Variants in KIAA1217 observed in about 807,000 individuals in gnomAD.
KIAA1217 encodes the protein sickle tail protein homolog.
Under a neutral mutation model 163.9 loss-of-function variants are expected in KIAA1217, and 88 were observed. The ratio of observed to expected loss-of-function variants is 0.54; its 90% CI spans 0.45 to 0.64. The LOEUF is 0.64. KIAA1217 is among the 30% of genes least tolerant of loss of function. The pLI is 0.00. For missense variants in KIAA1217, 2,372 were observed against 2,475.0 expected, an observed-to-expected ratio of 0.96 and a Z score of 0.88; for synonymous variants, 903 against 923.1, an observed-to-expected ratio of 0.98 and a Z score of 0.39.
At chr10:23,837,227 T>C (rs1307304234) in intron 1 of KIAA1217, among the ~76,000 whole-genome samples, 2 of 152,156 alleles carry the variant, frequency 1.3e-5, no homozygotes, top group Non-Finnish European at 2.9e-5. Flanking sequence ...GACTGTGAGA[T>C]AAATTTCTCT....
At chr10:24,095,453 A>T (rs1469791887) in intron 2 of KIAA1217, among the ~76,000 whole-genome samples, 1 of 152,128 alleles carries the variant, frequency 6.6e-6, no homozygotes, top group Non-Finnish European at 1.5e-5. Flanking sequence ...ACTGCATCCA[A>T]TACTGTGACA....
intron 2 of KIAA1217, among the ~76,000 whole-genome samples, chr10:24,154,877 A>C (rs2131868559): frequency 6.6e-6 from 1 of 150,800 alleles, no homozygotes; most frequent in African/African-American, 2.4e-5. Flanking sequence ...CAGTGAGCCA[A>C]GATTTCGCCA....
chr10:24,538,027 T>C (rs1360855682), intron 17 of KIAA1217, among the ~76,000 whole-genome samples: 3 of 152,212 alleles, frequency 2.0e-5, no homozygotes, highest in Non-Finnish European at 4.4e-5. Flanking sequence ...GACTTATCTT[T>C]CAGAATTCAA....
At chr10:24,188,683 C>T (rs879930037) in intron 2 of KIAA1217, among the ~76,000 whole-genome samples, 3 of 151,838 alleles carry the variant, frequency 2.0e-5, no homozygotes, top group South Asian at 2.1e-4. Flanking sequence ...TCAAGTGTAA[C>T]GTGTTTGTCC....
intron 2 of KIAA1217, among the ~76,000 whole-genome samples, chr10:24,140,965 G>A (rs964730086): frequency 5.3e-5 from 8 of 152,118 alleles, no homozygotes; most frequent in African/African-American, 1.4e-4. Context: ...TAAAGGCACC[G>A]TGTCTCTCCC....
At chr10:23,960,206 C>T (rs188096661) in intron 1 of KIAA1217, among the ~76,000 whole-genome samples, 3 of 152,212 alleles carry the variant, frequency 2.0e-5, no homozygotes, top group Non-Finnish European at 2.9e-5. Flanking sequence ...TAAGCCACCA[C>T]GCCCGGCCAG....
At position 24,543,951 on chromosome 10, in the gene KIAA1217, GCGAC is replaced by G; in HGVS notation, c.4685_4688del (p.Thr1562MetfsTer41). ...AAATTCGGAATGCAAGGGTGAGGACGCGACCGATGACCAGTTTGAAAGCCCCAAG... is the reference window on the plus strand; with the variant it reads ...AAATTCGGAATGCAAGGGTGAGGACGCGATGACCAGTTTGAAAGCCCCAAG... On this transcript the variant is annotated frameshift_variant, in exon 19 of 21. Coordinates refer to ENST00000376454, the MANE Select transcript of KIAA1217 (RefSeq NM_019590.5). LOFTEE classifies it high-confidence loss of function. 6.2e-7 allele frequency: 1 copy of G among 1,614,020 alleles called. No individual in the cohort carries two copies. The highest frequency in any genetic ancestry group is 8.5e-7 in the Non-Finnish European group (1 of 1,180,020).
At chr10:23,960,391 G>A (rs184477772) in intron 1 of KIAA1217, among the ~76,000 whole-genome samples, 5 of 152,238 alleles carry the variant, frequency 3.3e-5, no homozygotes, top group East Asian at 3.9e-4. Context: ...CTGAGTAGCC[G>A]GGATTACAGG....
At chr10:23,869,306 G>A (rs1161093139) in intron 1 of KIAA1217, among the ~76,000 whole-genome samples, 3 of 151,894 alleles carry the variant, frequency 2.0e-5, no homozygotes, top group Admixed American at 6.6e-5. Flanking sequence ...CTACTAAATT[G>A]TTATTCACTT....
At chr10:24,344,250 G>T (rs924681044) in intron 2 of KIAA1217, among the ~76,000 whole-genome samples, 1 of 152,146 alleles carries the variant, frequency 6.6e-6, no homozygotes, top group African/African-American at 2.4e-5. Flanking sequence ...TGTCTTATCT[G>T]GAAATCTCAC....
At chr10:24,508,512 T>C (rs893473674) in intron 9 of KIAA1217, among the ~76,000 whole-genome samples, 1 of 152,086 alleles carries the variant, frequency 6.6e-6, no homozygotes, top group Non-Finnish European at 1.5e-5. Flanking sequence ...GAGAAAGAAA[T>C]AGAGTCACAC....
In KIAA1217 at chr10:24,436,158, G is replaced by A. The variant is rs147662881; in HGVS notation, c.753-2228G>A. Among the ~76,000 whole-genome samples, 138 of 152,138 alleles carry A rather than the reference G, an allele frequency of 9.1e-4. 2 individuals carry two copies. The highest frequency in any genetic ancestry group is 3.2e-3 in the African/African-American group (134 of 41,492). ...TTATAAGCGTGACCCACTGCTCCCA[G>A]CTTGATAGCCTAAAGTTATTTTTAA... On this transcript the variant is annotated intron_variant, in intron 4 of 20. Transcript: ENST00000376454.
chr10:24,264,801 C>CTCTT (rs746515485), intron 2 of KIAA1217, among the ~76,000 whole-genome samples: 1 of 122,616 alleles, frequency 8.2e-6, no homozygotes, highest in Admixed American at 8.3e-5. Flanking sequence ...CTCTCTCTCT[C>CTCTT]TCATTCTCTC....
intron 1 of KIAA1217, among the ~76,000 whole-genome samples, chr10:23,936,294 G>C (rs751246897): frequency 2.0e-5 from 3 of 152,130 alleles, no homozygotes; most frequent in African/African-American, 4.8e-5. Context: ...GGTAGGGAAA[G>C]GTGGAGTGTA....
At chr10:24,464,940 G>C (rs1288778199) in intron 5 of KIAA1217, among the ~76,000 whole-genome samples, 2 of 152,102 alleles carry the variant, frequency 1.3e-5, no homozygotes, top group Non-Finnish European at 2.9e-5. Flanking sequence ...CCCATAATAA[G>C]CAGGTAAAGA....
intron 2 of KIAA1217, among the ~76,000 whole-genome samples, chr10:24,077,492 C>G (rs2061404592): frequency 6.6e-6 from 1 of 152,176 alleles, no homozygotes; most frequent in African/African-American, 2.4e-5. Context: ...CCATCTATGT[C>G]CCTGCAAAGG....
chr10:23,741,524 A>G lies in KIAA1217; in HGVS notation c.-321+46290A>G, dbSNP rs1839114472. 2.0e-5 allele frequency among the ~76,000 whole-genome samples: 3 copies of G among 152,234 alleles called. No individual in the cohort carries two copies. The South Asian group carries it at 6.2e-4, about 32-fold the overall frequency. ...TACAAGTAGTTCATTGAACAAAGAAAGCACATTCAGGTCCTTATTTCACTA... is the reference window on the plus strand; with the variant it reads ...TACAAGTAGTTCATTGAACAAAGAAGGCACATTCAGGTCCTTATTTCACTA... On this transcript the variant is annotated intron_variant, in intron 1 of 18. Coordinates refer to the KIAA1217 transcript ENST00000376462.
At chr10:24,345,294 A>G (rs1224074571) in intron 2 of KIAA1217, among the ~76,000 whole-genome samples, 1 of 152,200 alleles carries the variant, frequency 6.6e-6, no homozygotes, top group African/African-American at 2.4e-5. Flanking sequence ...TCCCCTCCGC[A>G]TGGAGCACAG....
intron 1 of KIAA1217, among the ~76,000 whole-genome samples, chr10:23,762,353 A>G (rs1834302861): frequency 6.6e-6 from 1 of 152,068 alleles, no homozygotes; most frequent in Non-Finnish European, 1.5e-5. Flanking sequence ...CCGGATGAAC[A>G]TCAATGTGAA....
Sources: gnomAD v4.1 joint callset for allele counts (sites outside exome capture counted in the v4.1 genomes callset) on GRCh38, gnomAD v4.1.1 for gene constraint, MANE v1.5 for transcripts, NCBI Gene and HGNC (gene_info 2026-07-23, HGNC 2026-07-21) for gene names.